PCDHA3: variants seen among roughly 807,000 people sequenced by gnomAD.
PCDHA3 encodes protocadherin alpha-3.
In PCDHA3, 41 loss-of-function variants were observed where a neutral mutation model predicts 62.2. The ratio of observed to expected loss-of-function variants is 0.66; its 90% CI spans 0.51 to 0.86. PCDHA3 has a LOEUF of 0.86. Among genes scored for constraint, PCDHA3 ranks in the 40% least tolerant of loss-of-function variants. The pLI is 0.00. For missense variants in PCDHA3, 1,304 were observed against 1,241.2 expected (o/e 1.05, Z -0.76); for synonymous variants, 640 against 555.4 (o/e 1.15, Z -2.14).
chr5:140,843,779 T>A, intron 1 of PCDHA3: 1 of 1,431,270 alleles, frequency 7.0e-7, no homozygotes, highest in African/African-American at 1.4e-5. Flanking sequence ...ACTTTAAAAG[T>A]GTTTCAGATT....
intron 1 of PCDHA3, chr5:140,854,391 A>C (rs251359): frequency 0.5 from 77,721 of 154,576 alleles, 22,387 homozygotes; most frequent in South Asian, 0.62. Flanking sequence ...TTACATTTTA[A>C]TTCAGGGTTT....
chr5:140,842,494 C>T lies in PCDHA3; in HGVS notation c.2394+38903C>T, dbSNP rs2150337446. The T allele has an allele frequency of 1.1e-5, 17 of 1,613,862 alleles. No homozygotes were observed. In the South Asian group the frequency reaches 1.6e-4, roughly 16 times the overall value. On this transcript the variant is annotated intron_variant, in intron 1 of 3. Transcript: ENST00000522353. ...GGCAGGTGACCTGCTCCCTGATGCCCCATGTCCCCTTCAAGCTGGTGTCCA... is the reference window on the plus strand; with the variant it reads ...GGCAGGTGACCTGCTCCCTGATGCCTCATGTCCCCTTCAAGCTGGTGTCCA...
In PCDHA3 at chr5:140,961,136, G is replaced by A. The variant is rs1474839905; in HGVS notation, c.2395-17813G>A. On this transcript the variant is annotated intron_variant, in intron 1 of 3. Coordinates refer to ENST00000522353, the MANE Select transcript of PCDHA3 (RefSeq NM_018906.3). ...TGCATCTTAATGTCTTGGCACTTAA[G>A]AGTTGGCATATTATTTCAGTACATA... is the stretch of plus-strand genomic sequence containing the variant. Among the ~76,000 whole-genome samples the A allele has an allele frequency of 3.9e-5, 6 of 152,270 alleles. No homozygotes were observed. The East Asian group carries it at 1.2e-3, about 29-fold the overall frequency.
chr5:140,997,156 C>G (rs1266627646), intron 3 of PCDHA3, among the ~76,000 whole-genome samples: 1 of 152,106 alleles, frequency 6.6e-6, no homozygotes, highest in Non-Finnish European at 1.5e-5. Flanking sequence ...CAGTGACATC[C>G]TGCCCAGAGT....
intron 1 of PCDHA3, among the ~76,000 whole-genome samples, chr5:140,962,643 T>G (rs1456773642): frequency 6.6e-6 from 1 of 152,222 alleles, no homozygotes; most frequent in Non-Finnish European, 1.5e-5. Context: ...GCCATCAAGT[T>G]ATGTGAAAAC....
rs2150366293 is a variant in PCDHA3 at position 140,843,763 on chromosome 5, G to A, written c.2394+40172G>A. 5.2e-5 allele frequency: 78 copies of A among 1,492,498 alleles called. 4 individuals are homozygous for A. The Middle Eastern group carries it at 1.8e-3, about 34-fold the overall frequency. The allele number at this position is 1,492,498 out of a possible 1,614,324, so 92.5% of individuals were successfully genotyped here. A position where few individuals can be genotyped will look rare whatever the true frequency, so the allele number is the denominator to read the frequency against. Reference sequence around the variant, plus strand: ...CTCATAAATTCTATTTGTGGAAATTGTAGTTACTTTAAAAGTGTTTCAGAT... The same window carrying A: ...CTCATAAATTCTATTTGTGGAAATTATAGTTACTTTAAAAGTGTTTCAGAT... On this transcript the variant is annotated intron_variant, in intron 1 of 3. Coordinates refer to ENST00000522353, the MANE Select transcript of PCDHA3 (RefSeq NM_018906.3).
rs1554140287 is a variant in PCDHA3 at position 140,843,629 on chromosome 5, A to T, written c.2394+40038A>T. ...TGAGGGGCCACCGAAGACGGACCTC[A>T]TGGCCTTCAGCCCCTGCCTTCCTCC... is the stretch of plus-strand genomic sequence containing the variant. On this transcript the variant is annotated intron_variant, in intron 1 of 3. Transcript: ENST00000522353. 3.1e-6 allele frequency: 5 copies of T among 1,595,972 alleles called. No homozygotes were observed. The East Asian group carries it at 8.9e-5, about 28-fold the overall frequency.
chr5:140,924,102 T>C (rs1227932285), intron 1 of PCDHA3, among the ~76,000 whole-genome samples: 1 of 152,242 alleles, frequency 6.6e-6, no homozygotes. Context: ...TAAATTTTCA[T>C]TCCAAAGCAG....
chr5:140,845,984 T>C (rs2150383304), intron 1 of PCDHA3, among the ~76,000 whole-genome samples: 2 of 149,806 alleles, frequency 1.3e-5, no homozygotes, highest in African/African-American at 4.9e-5. Flanking sequence ...ATATTTTGAA[T>C]GTTGTGTGGT....
chr5:140,804,920 T>C (rs913394300), intron 1 of PCDHA3: 13 of 979,494 alleles, frequency 1.3e-5, no homozygotes, highest in Non-Finnish European at 1.7e-5. Flanking sequence ...TATTTCCTTT[T>C]TTGGCACTAT....
Position 140,834,561 on chromosome 5 carries a change from G to A in PCDHA3, c.2394+30970G>A, listed in dbSNP as rs2150221029. ...CCTGGGGCTGGAGCTGGCGGAGCTG[G>A]TGCCGCGCCTGTTCCGGGCGGTGTG... On this transcript the variant is annotated intron_variant, in intron 1 of 3. Coordinates refer to ENST00000522353, the MANE Select transcript of PCDHA3 (RefSeq NM_018906.3). 3.5e-5 allele frequency: 56 copies of A among 1,614,112 alleles called. No homozygotes were observed. Among genetic ancestry groups the A allele is most frequent in the Admixed American group, 1.5e-4 (9 of 60,010 alleles).
At chr5:140,854,785 T>A (rs998570267) in intron 1 of PCDHA3, 1 of 149,624 alleles carries the variant, frequency 6.7e-6, no homozygotes, top group Non-Finnish European at 1.5e-5. Flanking sequence ...TTTCAAGAAC[T>A]TTGAGAGAGA....
intron 1 of PCDHA3, chr5:140,821,792 G>A: frequency 6.2e-7 from 1 of 1,612,576 alleles, no homozygotes; most frequent in Non-Finnish European, 8.5e-7. Flanking sequence ...TATTCCCGGA[G>A]AGGAAGTCTG....
intron 1 of PCDHA3, among the ~76,000 whole-genome samples, chr5:140,931,212 T>A (rs556351535): frequency 3.5e-4 from 54 of 152,168 alleles, no homozygotes; most frequent in Non-Finnish European, 3.5e-4. Context: ...GTATTTCAGG[T>A]ATCAGAGCAC....
intron 1 of PCDHA3, among the ~76,000 whole-genome samples, chr5:140,957,190 A>G (rs2153712685): frequency 6.6e-6 from 1 of 152,294 alleles, no homozygotes; most frequent in South Asian, 2.1e-4. Context: ...TTGATGACCG[A>G]TTGGGAATAT....
At position 140,835,699 on chromosome 5, in the gene PCDHA3, C is replaced by G. The variant is rs146607016; in HGVS notation, c.2394+32108C>G. 306 of 1,613,916 alleles carry G rather than the reference C, an allele frequency of 1.9e-4. 1 individual carries two copies. In the African/African-American group the frequency reaches 3.5e-3, roughly 18 times the overall value. ...GGCTCGCCTTCTCTGTGGGCCACTG[C>G]TAGCGTGTCCGTGGAGGTGGCCGAC... On this transcript the variant is annotated intron_variant, in intron 1 of 3. Coordinates refer to ENST00000522353, the MANE Select transcript of PCDHA3 (RefSeq NM_018906.3).
intron 1 of PCDHA3, among the ~76,000 whole-genome samples, chr5:140,833,751 A>AC (rs1562332508): frequency 1.3e-5 from 2 of 151,248 alleles, no homozygotes; most frequent in African/African-American, 2.4e-5. Context: ...CTAAAAAGAA[A>AC]ACACACACAC....
At chr5:140,807,592 A>C (rs551466956) in intron 1 of PCDHA3, 2 of 1,613,950 alleles carry the variant, frequency 1.2e-6, no homozygotes, top group Admixed American at 1.7e-5. Context: ...TGTTCCCAGC[A>C]ACACAAAAGA....
chr5:140,881,414 A>G, intron 1 of PCDHA3: 1 of 936,538 alleles, frequency 1.1e-6, no homozygotes, highest in African/African-American at 1.8e-5. Flanking sequence ...TCAATAGGAT[A>G]TTAGTTCCAG....
Sources: gnomAD v4.1 joint callset for allele counts (sites outside exome capture counted in the v4.1 genomes callset) on GRCh38, gnomAD v4.1.1 for gene constraint, MANE v1.5 for transcripts, NCBI Gene and HGNC (gene_info 2026-07-23, HGNC 2026-07-21) for gene names.